CCDC30: variants seen among roughly 807,000 people sequenced by gnomAD.
The protein encoded by CCDC30 is coiled-coil domain-containing protein 30.
Under a neutral mutation model 100.2 loss-of-function variants are expected in CCDC30, and 70 were observed. The ratio of observed to expected loss-of-function variants is 0.70; its 90% CI spans 0.58 to 0.85. CCDC30 has a LOEUF of 0.85. CCDC30 is among the 40% of genes least tolerant of loss of function. The pLI is 0.00. For synonymous variants in CCDC30, 233 were observed against 269.5 expected (o/e 0.86, Z 1.33); for missense variants, 652 against 771.2 (o/e 0.85, Z 1.83).
At chr1:42,593,000 C>T (rs1646217532) in intron 10 of CCDC30, 1 of 152,162 alleles carries the variant, frequency 6.6e-6, no homozygotes, top group Non-Finnish European at 1.5e-5. Flanking sequence ...CAACTTCTGA[C>T]ACCAGTTATG....
At chr1:42,589,430 C>A in exon 10 of CCDC30, 1 of 1,613,738 alleles carries the variant, frequency 6.2e-7, no homozygotes, top group Non-Finnish European at 8.5e-7. Flanking sequence ...CAGAATTCAG[C>A]AACAAGAGGC....
In CCDC30 at chr1:42,583,712, C is replaced by G. The variant is rs181467437; in HGVS notation, c.1001+2198C>G. ...AGTAGGAATATATATTTAATAAAAG[C>G]CTTATTACAGGGACTTGGTCTTATG... is the stretch of plus-strand genomic sequence containing the variant. On this transcript the variant is annotated intron_variant, in intron 9 of 16. Coordinates refer to ENST00000668663, the Ensembl canonical transcript of CCDC30. 1.2e-3 allele frequency among the ~76,000 whole-genome samples: 179 copies of G among 152,192 alleles called. 3 individuals carry two copies. The highest frequency in any genetic ancestry group is 9.9e-3 in the Admixed American group (151 of 15,288).
At chr1:42,473,018 A>C (rs1023900442) in intron 1 of CCDC30, 1 of 1,050,174 alleles carries the variant, frequency 9.5e-7, no homozygotes. Flanking sequence ...CCTAAAGACT[A>C]GTACTCTAAT....
chr1:42,495,290 G>A (rs201064431), intron 4 of CCDC30, among the ~76,000 whole-genome samples: 1 of 151,844 alleles, frequency 6.6e-6, no homozygotes, highest in South Asian at 2.1e-4. Flanking sequence ...CTCACTCATA[G>A]GTGGGAATTG....
chr1:42,551,363 G>A (rs368426914), intron 6 of CCDC30, among the ~76,000 whole-genome samples: 35 of 152,160 alleles, frequency 2.3e-4, no homozygotes, highest in Admixed American at 6.5e-5. Flanking sequence ...GGTGACAATT[G>A]CAGAAGTATT....
intron 6 of CCDC30, among the ~76,000 whole-genome samples, chr1:42,514,168 T>A (rs1450853257): frequency 6.6e-6 from 1 of 152,246 alleles, no homozygotes; most frequent in Admixed American, 6.5e-5. Context: ...TGATAGTTTC[T>A]ACTTTGTGAT....
intron 6 of CCDC30, chr1:42,539,195 A>C: frequency 6.3e-7 from 1 of 1,594,256 alleles, no homozygotes; most frequent in Non-Finnish European, 8.5e-7. Context: ...TCAAAGTCAG[A>C]GCTTATATGC....
At chr1:42,533,324 CAGAA>C (rs1465587192) in intron 6 of CCDC30, among the ~76,000 whole-genome samples, 24 of 151,900 alleles carry the variant, frequency 1.6e-4, no homozygotes, top group Admixed American at 7.9e-4. Context: ...GTAGTAAAAG[CAGAA>C]AGAAAGAAGA....
At chr1:42,505,459 A>T (rs1483130947) in intron 6 of CCDC30, among the ~76,000 whole-genome samples, 1 of 152,238 alleles carries the variant, frequency 6.6e-6, no homozygotes, top group African/African-American at 2.4e-5. Context: ...ATTTAATGAC[A>T]AATGTATAAG....
intron 6 of CCDC30, among the ~76,000 whole-genome samples, chr1:42,513,397 C>T (rs1262502973): frequency 1.3e-5 from 2 of 152,152 alleles, no homozygotes; most frequent in African/African-American, 4.8e-5. Context: ...TTTGTCACCC[C>T]ACCCTGATCT....
intron 6 of CCDC30, among the ~76,000 whole-genome samples, chr1:42,504,047 C>T (rs1226192401): frequency 6.6e-6 from 1 of 152,204 alleles, no homozygotes; most frequent in Non-Finnish European, 1.5e-5. Flanking sequence ...ATTGTTTCTA[C>T]AGATATTAAA....
intron 6 of CCDC30, among the ~76,000 whole-genome samples, chr1:42,516,262 G>A (rs183353884): frequency 6.6e-6 from 1 of 152,086 alleles, no homozygotes; most frequent in Non-Finnish European, 1.5e-5. Flanking sequence ...TGGTACTATG[G>A]TTTGGATATG....
At chr1:42,635,779 G>C (rs1477201029) in intron 11 of CCDC30, among the ~76,000 whole-genome samples, 2 of 149,474 alleles carry the variant, frequency 1.3e-5, no homozygotes, top group Admixed American at 1.3e-4. Flanking sequence ...CTGCACTCCA[G>C]CCTGGGCAAC....
intron 6 of CCDC30, among the ~76,000 whole-genome samples, chr1:42,554,999 T>C (rs964330464): frequency 2.6e-5 from 4 of 152,170 alleles, no homozygotes; most frequent in African/African-American, 9.6e-5. Context: ...CACTTGTCCA[T>C]TTCCCAAGTC....
intron 1 of CCDC30, among the ~76,000 whole-genome samples, chr1:42,475,551 G>T (rs998246329): frequency 1.3e-5 from 2 of 151,876 alleles, no homozygotes; most frequent in African/African-American, 4.8e-5. Context: ...ATTAACATAT[G>T]ACATTATAGA....
At chr1:42,529,411 G>T (rs144186781) in intron 6 of CCDC30, among the ~76,000 whole-genome samples, 1 of 152,170 alleles carries the variant, frequency 6.6e-6, no homozygotes, top group African/African-American at 2.4e-5. Context: ...GACAGAGGTT[G>T]CAGTGAGCTG....
upstream of CCDC30, among the ~76,000 whole-genome samples, chr1:42,463,059 G>A (rs12047502): frequency 0.2 from 30,500 of 152,226 alleles, 3,337 homozygotes; most frequent in South Asian, 0.42. Context: ...TATTCGCTAA[G>A]TCGCAAACGC....
rs550738104 is a variant in CCDC30, at chr1:42,622,716, C to T, written c.1277+11626C>T. Among the ~76,000 whole-genome samples the T allele has an allele frequency of 3.3e-5, 5 of 152,126 alleles. No individual in the cohort carries two copies. In the East Asian group the frequency reaches 9.7e-4, roughly 29 times the overall value. ...CTGGTCTTGAACTCCTGAAGTGATC[C>T]GCCCGCCTTGGCCTCCCAAAGTGCT... On this transcript the variant is annotated intron_variant, in intron 11 of 16. Transcript: ENST00000668663.
intron 9 of CCDC30, among the ~76,000 whole-genome samples, chr1:42,587,715 C>T (rs1213156739): frequency 6.6e-6 from 1 of 152,306 alleles, no homozygotes; most frequent in East Asian, 1.9e-4. Context: ...GATTTTACTG[C>T]CCTAGCATGC....
Sources: allele counts gnomAD v4.1 joint callset (sites outside exome capture counted in the v4.1 genomes callset), GRCh38; gene constraint gnomAD v4.1.1; transcripts MANE v1.5; gene names NCBI Gene and HGNC (gene_info 2026-07-23, HGNC 2026-07-21).